Variants in FAM227B observed in about 807,000 individuals in gnomAD.
FAM227B encodes protein FAM227B.
FAM227B carries 88 observed loss-of-function variants against 73.8 expected under a neutral mutation model. The ratio of observed to expected loss-of-function variants is 1.19; its 90% confidence interval spans 1.00 to 1.42. The LOEUF (loss-of-function observed/expected upper bound fraction) is 1.42, where lower values mean the gene tolerates loss of function less well. Ranked by LOEUF, FAM227B falls within the 40% of genes most tolerant of loss-of-function variation. FAM227B has a pLI of 0.00. For synonymous variants in FAM227B, 210 were observed against 190.5 expected, an observed-to-expected ratio of 1.10 and a Z score of -0.84; for missense variants, 632 against 590.9, an observed-to-expected ratio of 1.07 and a Z score of -0.72.
rs2152407935 is a variant in FAM227B, at chr15:49,589,878, C to G, written c.235G>C (p.Glu79Gln). 1.2e-6 allele frequency: 2 copies of G among 1,605,336 alleles called. No homozygotes were observed. The highest frequency in any genetic ancestry group is 2.2e-5 in the South Asian group (2 of 90,848). ...HLWENVPRIF[E>Q]ALLIMESKLK... Reference sequence around the variant, plus strand: ...TTTGATTCCATGATCAAAAGTGCTTCAAATATTCGAGGAACATTTTCCCAT... The same window carrying G: ...TTTGATTCCATGATCAAAAGTGCTTGAAATATTCGAGGAACATTTTCCCAT... The change falls in exon 4 of 16, where the codon GAA (glutamate) becomes CAA (glutamine). Residue 79 changes from glutamate to glutamine, a missense_variant. Physicochemically the swap from Glu to Gln is conservative, Grantham distance 29. Coordinates refer to ENST00000299338, the MANE Select transcript of FAM227B (RefSeq NM_152647.3).
At chr15:49,498,932 C>T (rs111515730) in intron 11 of FAM227B, among the ~76,000 whole-genome samples, 1 of 151,508 alleles carries the variant, frequency 6.6e-6, no homozygotes, top group African/African-American at 2.4e-5. Context: ...TTTGGGAGGC[C>T]GAGGCGGGCG....
chr15:49,474,778 C>T (rs2055093928), intron 11 of FAM227B, among the ~76,000 whole-genome samples: 1 of 151,942 alleles, frequency 6.6e-6, no homozygotes, highest in Admixed American at 6.6e-5. Context: ...GGAGCGTGAA[C>T]CCTATTGTGA....
chr15:49,404,808 T>A (rs1285303645), intron 11 of FAM227B, among the ~76,000 whole-genome samples: 2 of 149,882 alleles, frequency 1.3e-5, no homozygotes, highest in Non-Finnish European at 3.0e-5. Context: ...GTCATCATGA[T>A]GTTAGCTGGT....
Position 49,389,178 on chromosome 15 carries a change from GAC to G in FAM227B, c.1013-17781_1013-17780del, listed in dbSNP as rs1357565632. Reference sequence around the variant, plus strand: ...AAGAAAGAAGTCATTATATGAAAAAGACACTTGCCCATGTATGTTTATAGCAG... The same window carrying G: ...AAGAAAGAAGTCATTATATGAAAAAGACTTGCCCATGTATGTTTATAGCAG... On this transcript the variant is annotated intron_variant, in intron 11 of 15. Coordinates refer to ENST00000299338, the MANE Select transcript of FAM227B (RefSeq NM_152647.3). Among the ~76,000 whole-genome samples the G allele has an allele frequency of 2.0e-5, 3 of 151,928 alleles. 1 individual carries two copies. The highest frequency in any genetic ancestry group is 3.9e-4 in the East Asian group (2 of 5,182).
chr15:49,492,351 T>C (rs925696712), intron 11 of FAM227B, among the ~76,000 whole-genome samples: 5 of 151,930 alleles, frequency 3.3e-5, no homozygotes, highest in East Asian at 1.9e-4. Context: ...TTCACGCTCA[T>C]AGGCCTTCTT....
chr15:49,441,579 G>C (rs2051648488), intron 11 of FAM227B, among the ~76,000 whole-genome samples: 1 of 151,530 alleles, frequency 6.6e-6, no homozygotes, highest in Non-Finnish European at 1.5e-5. Context: ...CATATATAGA[G>C]AGAAAAGGAG....
chr15:49,592,950 C>A (rs1158550818), intron 3 of FAM227B, among the ~76,000 whole-genome samples: 1 of 152,220 alleles, frequency 6.6e-6, no homozygotes, highest in East Asian at 1.9e-4. Flanking sequence ...GACTGCTGCA[C>A]CAGCAGTGAG....
At chr15:49,543,466 G>C (rs4775815) in intron 9 of FAM227B, among the ~76,000 whole-genome samples, 49,851 of 151,990 alleles carry the variant, frequency 0.33, 8,950 homozygotes, top group African/African-American at 0.46. Context: ...GCTGTTTACT[G>C]TGACGATTAT....
chr15:49,428,815 G>T (rs550054841), intron 11 of FAM227B, among the ~76,000 whole-genome samples: 1 of 152,092 alleles, frequency 6.6e-6, no homozygotes, highest in Non-Finnish European at 1.5e-5. Context: ...TAGTTCCATA[G>T]CAAGAAAAGG....
chr15:49,391,736 T>C (rs1478655912), intron 11 of FAM227B, among the ~76,000 whole-genome samples: 4 of 152,150 alleles, frequency 2.6e-5, no homozygotes, highest in African/African-American at 9.7e-5. Flanking sequence ...CAAGATAGCC[T>C]GCCATTTTGG....
rs1462200774 is a variant in FAM227B at position 49,410,589 on chromosome 15, A to G, written c.1013-39190T>C. 2.0e-5 allele frequency among the ~76,000 whole-genome samples: 3 copies of G among 152,130 alleles called. No homozygotes were observed. The East Asian group carries it at 5.8e-4, about 29-fold the overall frequency. On this transcript the variant is annotated intron_variant, in intron 11 of 15. Coordinates refer to ENST00000299338, the MANE Select transcript of FAM227B (RefSeq NM_152647.3). Reference sequence around the variant, plus strand: ...GCGAATCATTTTCCATGTTTAGTTTAAAAAATTTGTCATTTTGAAAAAGGT... The same window carrying G: ...GCGAATCATTTTCCATGTTTAGTTTGAAAAATTTGTCATTTTGAAAAAGGT...
chr15:49,406,190 T>C (rs370266406), intron 11 of FAM227B, among the ~76,000 whole-genome samples: 104 of 152,272 alleles, frequency 6.8e-4, no homozygotes, highest in African/African-American at 2.4e-3. Flanking sequence ...AAGCTTTTCA[T>C]AGCGCAGTGA....
intron 11 of FAM227B, among the ~76,000 whole-genome samples, chr15:49,499,336 A>G (rs2057940630): frequency 6.6e-6 from 1 of 152,128 alleles, no homozygotes; most frequent in African/African-American, 2.4e-5. Flanking sequence ...TTAAAATGCC[A>G]TGTATAATTG....
intron 1 of FAM227B, among the ~76,000 whole-genome samples, chr15:49,617,135 G>C (rs1011017068): frequency 1.3e-5 from 2 of 152,020 alleles, no homozygotes; most frequent in Non-Finnish European, 1.5e-5. Context: ...GACACCATGA[G>C]GCTTTCTATC....
chr15:49,493,866 GTA>G (rs1281621737), intron 11 of FAM227B, among the ~76,000 whole-genome samples: 4 of 83,814 alleles, frequency 4.8e-5, no homozygotes, highest in Non-Finnish European at 1.1e-4. Context: ...GTGTATGTAT[GTA>G]TGTGTATATA....
At chr15:49,534,277 T>C (rs906606091) in intron 10 of FAM227B, among the ~76,000 whole-genome samples, 5 of 151,762 alleles carry the variant, frequency 3.3e-5, no homozygotes, top group African/African-American at 4.8e-5. Context: ...CTCTCAATAT[T>C]ACCATGCTGA....
At chr15:49,336,159 T>C (rs949609942) in intron 13 of FAM227B, among the ~76,000 whole-genome samples, 4 of 152,240 alleles carry the variant, frequency 2.6e-5, no homozygotes, top group Admixed American at 2.6e-4. Context: ...TCTAAGAGGC[T>C]TTGGGGGCAA....
intron 3 of FAM227B, 105 bp from the exon 4 acceptor site, chr15:49,590,112 ATTGT>A (rs939851710): frequency 1.9e-5 from 12 of 641,026 alleles, no homozygotes. Flanking sequence ...ATTCCACAGC[ATTGT>A]TTTTTATCAC....
chr15:49,590,074 A>C, intron 3 of FAM227B, 67 bp from the exon 4 acceptor site: 1 of 823,130 alleles, frequency 1.2e-6, no homozygotes, highest in East Asian at 2.5e-5. Flanking sequence ...AATAGAGTTC[A>C]AAACCAATGA....
Sources: gnomAD v4.1 joint callset for allele counts (sites outside exome capture counted in the v4.1 genomes callset) on GRCh38, gnomAD v4.1.1 for gene constraint, MANE v1.5 for transcripts, NCBI Gene and HGNC (gene_info 2026-07-23, HGNC 2026-07-21) for gene names.